Variants in RAPGEF1 observed in about 807,000 individuals in gnomAD.
The protein encoded by RAPGEF1 is CRK SH3-binding GNRP.
Under a neutral mutation model 143.3 loss-of-function variants are expected in RAPGEF1, and 33 were observed. That is an observed-to-expected ratio of 0.23 (90% confidence interval 0.17 to 0.31). RAPGEF1 has a LOEUF of 0.31. RAPGEF1 is among the 10% of genes least tolerant of loss of function. RAPGEF1 has a pLI of 1.00. For missense variants in RAPGEF1, 1,199 were observed against 1,645.4 expected (o/e 0.73, Z 4.69); for synonymous variants, 629 against 676.5 (o/e 0.93, Z 1.09).
At chr9:131,627,861 C>T (rs2133027071) in intron 9 of RAPGEF1, 52 bp downstream of exon 9, 3 of 1,535,226 alleles carry the variant, frequency 2.0e-6, no homozygotes, top group East Asian at 4.9e-5. Context: ...ACTGTAATGG[C>T]CCCAGAGAAG....
In RAPGEF1 at chr9:131,739,899, G is replaced by C; in HGVS notation, c.-69C>G. 1 of 912,094 alleles carries C rather than the reference G, an allele frequency of 1.1e-6. No homozygotes were observed. Among genetic ancestry groups the C allele is most frequent in the Non-Finnish European group, 1.3e-6 (1 of 765,316 alleles). The allele number at this position is 912,094 out of a possible 1,614,324, so 56.5% of individuals were successfully genotyped here. ...CCGCCGCTCGCCTCGGCCCTGGCTC[G>C]CCACGCCTCAGACCCGCGCCGGCAT... On this transcript the variant is annotated 5_prime_UTR_variant, in exon 1 of 27. Transcript: ENST00000683357.
intron 3 of RAPGEF1, among the ~76,000 whole-genome samples, chr9:131,646,481 T>A (rs1198586351): frequency 1.3e-5 from 2 of 152,198 alleles, no homozygotes; most frequent in Admixed American, 6.5e-5. Context: ...CCGTGGGCCA[T>A]ATTCATTTCT....
At chr9:131,652,962 G>A (rs1315313633) in intron 1 of RAPGEF1, among the ~76,000 whole-genome samples, 2 of 152,148 alleles carry the variant, frequency 1.3e-5, no homozygotes, top group Non-Finnish European at 2.9e-5. Context: ...CAGGCGAGGC[G>A]ACAGGAATTT....
chr9:131,619,608 C>T (rs1406014509), intron 11 of RAPGEF1, among the ~76,000 whole-genome samples: 1 of 152,142 alleles, frequency 6.6e-6, no homozygotes, highest in Non-Finnish European at 1.5e-5. Flanking sequence ...CTGGACCCTG[C>T]CATTTCTCAC....
Position 131,588,829 on chromosome 9 carries a change from G to A in RAPGEF1, c.3025C>T (p.Pro1009Ser), listed in dbSNP as rs1379257303. 6.2e-7 allele frequency: 1 copy of A among 1,613,676 alleles called. No individual in the cohort carries two copies. The highest frequency in any genetic ancestry group is 8.5e-7 in the Non-Finnish European group (1 of 1,179,742). Reference protein sequence around the residue: ...KLLRCATSSQPLAARGVAARP... With the variant: ...KLLRCATSSQSLAARGVAARP... ...GCTGCTACCCCCCGGGCTGCCAGGGGCTGGCTGGAGGTGGCACACCTGAGT... is the reference window on the plus strand; with the variant it reads ...GCTGCTACCCCCCGGGCTGCCAGGGACTGGCTGGAGGTGGCACACCTGAGT... Residue 1009 changes from proline (P) to serine (S), a missense_variant, in exon 20 of 27, where the codon CCC becomes TCC. Physicochemically the swap from Pro to Ser is moderately conservative, Grantham distance 74. Coordinates refer to ENST00000683357, the MANE Select transcript of RAPGEF1 (RefSeq NM_001377935.1).
At chr9:131,684,404 G>A (rs755621450) in intron 1 of RAPGEF1, among the ~76,000 whole-genome samples, 4 of 152,176 alleles carry the variant, frequency 2.6e-5, no homozygotes, top group Non-Finnish European at 5.9e-5. Flanking sequence ...TCCTAGCCAA[G>A]CTCTAGCTAC....
intron 1 of RAPGEF1, among the ~76,000 whole-genome samples, chr9:131,718,514 G>C (rs1205138058): frequency 6.6e-6 from 1 of 152,136 alleles, no homozygotes; most frequent in Non-Finnish European, 1.5e-5. Flanking sequence ...TGGAGTAAGG[G>C]GTCAGCAGAG....
intron 24 of RAPGEF1, 30 bp from the exon 25 acceptor site, chr9:131,582,732 C>G (rs1204491598): frequency 1.3e-6 from 2 of 1,536,342 alleles, no homozygotes; most frequent in East Asian, 2.6e-5. Flanking sequence ...CAGGACCGGA[C>G]AGGGGTGAGC....
rs919964045 is a variant in RAPGEF1 at position 131,628,681 on chromosome 9, G to A, written c.894-9C>T. On this transcript the variant is annotated splice_polypyrimidine_tract_variant and intron_variant, in intron 7 of 26. Coordinates refer to ENST00000683357, the MANE Select transcript of RAPGEF1 (RefSeq NM_001377935.1). The surrounding 1 kb of genome is among the most constrained non-coding windows in gnomAD (Gnocchi z 5.7). ...GCAATGCTGGTGGAGGACTGAAACA[G>A]ACCGAAACGTCCAGGCAGACCAAAC... The A allele has an allele frequency of 5.6e-6, 9 of 1,594,186 alleles. No homozygotes were observed. The highest frequency in any genetic ancestry group is 2.2e-5 in the South Asian group (2 of 89,520).
chr9:131,628,846 T>C lies in RAPGEF1; in HGVS notation c.894-174A>G, dbSNP rs1588583931. On this transcript the variant is annotated intron_variant, in intron 7 of 26. Coordinates refer to ENST00000683357, the MANE Select transcript of RAPGEF1 (RefSeq NM_001377935.1). The surrounding 1 kb of genome is among the most constrained non-coding windows in gnomAD (Gnocchi z 5.7). ...CAAAATAAAACCTGTAAATACCAAA[T>C]GAACAAAAAAGAACAACCCTTTCTT... is the stretch of plus-strand genomic sequence containing the variant. 6.6e-6 allele frequency among the ~76,000 whole-genome samples: 1 copy of C among 152,164 alleles called. No individual in the cohort carries two copies. The highest frequency in any genetic ancestry group is 2.4e-5 in the African/African-American group (1 of 41,436).
In RAPGEF1 at chr9:131,628,966, T is replaced by A; in HGVS notation, c.893+136A>T. On this transcript the variant is annotated intron_variant, in intron 7 of 26. Transcript: ENST00000683357. The surrounding 1 kb of genome is among the most constrained non-coding windows in gnomAD (Gnocchi z 5.7). Reference sequence around the variant, plus strand: ...GGGTGGCCAGCGAGGGCCGGCGGGGTGGGGACAGCTCCAGAGTCAGCCTCC... The same window carrying A: ...GGGTGGCCAGCGAGGGCCGGCGGGGAGGGGACAGCTCCAGAGTCAGCCTCC... 8.3e-7 allele frequency: 1 copy of A among 1,210,906 alleles called. No individual in the cohort carries two copies. The highest frequency in any genetic ancestry group is 1.1e-6 in the Non-Finnish European group (1 of 894,482). The allele number at this position is 1,210,906 out of a possible 1,614,324, so 75.0% of individuals were successfully genotyped here.
chr9:131,717,096 T>C (rs529012324), intron 1 of RAPGEF1, among the ~76,000 whole-genome samples: 2 of 152,270 alleles, frequency 1.3e-5, no homozygotes, highest in South Asian at 4.1e-4. Flanking sequence ...ATGGCAGTAT[T>C]GGAAGGGGTA....
chr9:131,684,828 G>A (rs950174608), intron 1 of RAPGEF1, among the ~76,000 whole-genome samples: 25 of 152,196 alleles, frequency 1.6e-4, no homozygotes, highest in Non-Finnish European at 1.5e-4. Context: ...GCCAGATGCC[G>A]AGGAAGAGAT....
At position 131,588,164 on chromosome 9, in the gene RAPGEF1, C is replaced by T. The variant is rs1429433456; in HGVS notation, c.3054-138G>A. The T allele has an allele frequency of 1.3e-5, 9 of 707,748 alleles. No homozygotes were observed. The East Asian group carries it at 1.4e-4, about 11-fold the overall frequency. The allele number at this position is 707,748 out of a possible 1,614,324, so 43.8% of individuals were successfully genotyped here. On this transcript the variant is annotated intron_variant, in intron 20 of 26. Transcript: ENST00000683357. ...GCGTGGAGGCTACAGGGCGGGGAAG[C>T]CCCAAAAGGCTCCCTGGGGCCCTAA...
intron 1 of RAPGEF1, among the ~76,000 whole-genome samples, chr9:131,662,751 G>A (rs138305539): frequency 2.0e-5 from 3 of 151,818 alleles, no homozygotes; most frequent in East Asian, 1.9e-4. Flanking sequence ...CCATTTCGGC[G>A]AACCTGGTCT....
chr9:131,640,569 T>C (rs1260660356), intron 4 of RAPGEF1, among the ~76,000 whole-genome samples: 1 of 151,946 alleles, frequency 6.6e-6, no homozygotes, highest in African/African-American at 2.4e-5. Context: ...AGTTCCACAA[T>C]GGAGCAAAGC....
intron 12 of RAPGEF1, among the ~76,000 whole-genome samples, chr9:131,617,421 A>G (rs1224379246): frequency 1.3e-5 from 2 of 152,238 alleles, no homozygotes; most frequent in Admixed American, 6.5e-5. Flanking sequence ...AGGTCCTCAG[A>G]CAGGCAGGAC....
In RAPGEF1 at chr9:131,706,159, T is replaced by C. The variant is rs74917178; in HGVS notation, c.61+33611A>G. Among the ~76,000 whole-genome samples the C allele has an allele frequency of 3.0e-3, 460 of 152,272 alleles. 4 individuals are homozygous for C. Among genetic ancestry groups the C allele is most frequent in the African/African-American group, 1.0e-2 (414 of 41,546 alleles). On this transcript the variant is annotated intron_variant, in intron 1 of 26. Transcript: ENST00000683357. ...TTGTTCCTAAACTAGACACAGACCA[T>C]GCTACTTTGCCCTGGAACCTGGGGC...
intron 1 of RAPGEF1, among the ~76,000 whole-genome samples, chr9:131,657,072 G>C (rs1972668487): frequency 6.6e-6 from 1 of 152,218 alleles, no homozygotes; most frequent in Non-Finnish European, 1.5e-5. Flanking sequence ...TTGAAACCTT[G>C]GGTTAGCAGC....
Sources: gnomAD v4.1 joint callset for allele counts (sites outside exome capture counted in the v4.1 genomes callset) on GRCh38, gnomAD v4.1.1 for gene constraint, Gnocchi (gnomAD v3.1) non-coding constraint, MANE v1.5 for transcripts, NCBI Gene and HGNC (gene_info 2026-07-23, HGNC 2026-07-21) for gene names.